MGAT4C: variants seen among roughly 807,000 people sequenced by gnomAD.
MGAT4C encodes the protein MGAT4 family member C, also known as alpha-1,3-mannosyl-glycoprotein 4-beta-N-acetylglucosaminyltransferase C.
Under a neutral mutation model 40.1 loss-of-function variants are expected in MGAT4C, and 19 were observed. The ratio of observed to expected loss-of-function variants is 0.47; its 90% CI spans 0.33 to 0.70. The LOEUF (loss-of-function observed/expected upper bound fraction) is 0.70, where lower values mean the gene tolerates loss of function less well. Ranked by LOEUF, MGAT4C falls within the 30% of genes least tolerant of loss-of-function variation. MGAT4C has a pLI of 0.02. For missense variants in MGAT4C, 491 were observed against 563.2 expected (o/e 0.87, Z 1.30); for synonymous variants, 181 against 187.1 (o/e 0.97, Z 0.27).
intron 2 of MGAT4C, among the ~76,000 whole-genome samples, chr12:86,451,772 A>C (rs1166730296): frequency 6.6e-6 from 1 of 152,050 alleles, no homozygotes; most frequent in African/African-American, 2.4e-5. Context: ...TCTTTTTCAA[A>C]GCCAGTCTTC....
chr12:86,510,498 C>T (rs960971043), intron 2 of MGAT4C, among the ~76,000 whole-genome samples: 3 of 152,010 alleles, frequency 2.0e-5, no homozygotes, highest in Non-Finnish European at 4.4e-5. Flanking sequence ...CAATATTAAC[C>T]TTAAATGTAA....
At chr12:86,592,446 T>C (rs1961366920) in intron 2 of MGAT4C, among the ~76,000 whole-genome samples, 2 of 152,168 alleles carry the variant, frequency 1.3e-5, no homozygotes, top group African/African-American at 4.8e-5. Context: ...TCAAACTGTA[T>C]AATTGGTAAA....
chr12:86,190,695 C>T (rs1274039185), intron 1 of MGAT4C, among the ~76,000 whole-genome samples: 2 of 152,000 alleles, frequency 1.3e-5, no homozygotes, highest in Admixed American at 6.6e-5. Context: ...GAATATTACA[C>T]ATCAATTTGG....
chr12:86,104,598 CT>C (rs1312327958), intron 1 of MGAT4C, among the ~76,000 whole-genome samples: 3 of 152,108 alleles, frequency 2.0e-5, no homozygotes, highest in Admixed American at 2.0e-4. Context: ...TGTTTTCAGT[CT>C]TAATATCTTC....
intron 3 of MGAT4C, among the ~76,000 whole-genome samples, chr12:86,377,830 CT>C (rs1955859185): frequency 2.0e-5 from 3 of 152,090 alleles, no homozygotes; most frequent in Admixed American, 2.0e-4. Context: ...AACTGAAATC[CT>C]ATACTCATGG....
At chr12:86,610,809 G>T in intron 2 of MGAT4C, among the ~76,000 whole-genome samples, 1 of 132,304 alleles carries the variant, frequency 7.6e-6, no homozygotes, top group South Asian at 2.3e-4. Context: ...ACCTGTAAAA[G>T]TAAATGAGAG....
At chr12:86,366,463 T>G (rs1238932241) in intron 3 of MGAT4C, among the ~76,000 whole-genome samples, 1 of 152,152 alleles carries the variant, frequency 6.6e-6, no homozygotes, top group Non-Finnish European at 1.5e-5. Flanking sequence ...AGCAAATAAA[T>G]GCAAGAACAG....
intron 2 of MGAT4C, among the ~76,000 whole-genome samples, chr12:86,624,586 G>C (rs1266283209): frequency 6.6e-6 from 1 of 151,890 alleles, no homozygotes; most frequent in African/African-American, 2.4e-5. Flanking sequence ...GGCCATGAAA[G>C]TCCCTACACA....
At chr12:86,530,110 C>G (rs1464050857) in intron 2 of MGAT4C, among the ~76,000 whole-genome samples, 1 of 151,820 alleles carries the variant, frequency 6.6e-6, no homozygotes, top group Non-Finnish European at 1.5e-5. Flanking sequence ...ATATGGACGA[C>G]TGAATGTATT....
chr12:86,209,637 A>T (rs1428306149), intron 1 of MGAT4C, among the ~76,000 whole-genome samples: 1 of 152,172 alleles, frequency 6.6e-6, no homozygotes, highest in Admixed American at 6.5e-5. Flanking sequence ...TCTCAACATG[A>T]TTTTAATAAA....
intron 2 of MGAT4C, among the ~76,000 whole-genome samples, chr12:86,450,428 T>G (rs1037046172): frequency 6.6e-6 from 1 of 152,180 alleles, no homozygotes; most frequent in Non-Finnish European, 1.5e-5. Context: ...ATTATTCAAA[T>G]TGTCAAAATA....
chr12:86,698,340 A>C (rs1299579147), intron 2 of MGAT4C, among the ~76,000 whole-genome samples: 1 of 151,918 alleles, frequency 6.6e-6, no homozygotes, highest in Non-Finnish European at 1.5e-5. Flanking sequence ...TTTTTAAAAA[A>C]TTGTGTTTGT....
chr12:86,668,869 T>C (rs1449087903), intron 2 of MGAT4C, among the ~76,000 whole-genome samples: 2 of 152,134 alleles, frequency 1.3e-5, no homozygotes, highest in Non-Finnish European at 2.9e-5. Context: ...CTGCTCCCCT[T>C]AGACTGTGTT....
chr12:86,718,401 G>C (rs756470281), intron 2 of MGAT4C, among the ~76,000 whole-genome samples: 19 of 152,176 alleles, frequency 1.2e-4, no homozygotes, highest in Non-Finnish European at 2.5e-4. Context: ...TGTCTCACCT[G>C]TGTCTTTCAT....
At chr12:86,420,759 A>G (rs1347810125) in intron 3 of MGAT4C, among the ~76,000 whole-genome samples, 1 of 149,814 alleles carries the variant, frequency 6.7e-6, no homozygotes, top group African/African-American at 2.5e-5. Flanking sequence ...AAAAATCAAG[A>G]ATAAATATTT....
chr12:86,799,633 T>A (rs1225328545), intron 1 of MGAT4C, among the ~76,000 whole-genome samples: 2 of 151,974 alleles, frequency 1.3e-5, no homozygotes, highest in East Asian at 3.9e-4. Context: ...TCTCATATTT[T>A]GTTCTATGTG....
At chr12:86,372,416 T>G (rs1955736025) in intron 3 of MGAT4C, among the ~76,000 whole-genome samples, 1 of 151,866 alleles carries the variant, frequency 6.6e-6, no homozygotes, top group Admixed American at 6.6e-5. Context: ...AGAACAAAAC[T>G]AATACTTTAA....
At chr12:86,669,438 G>A (rs989083811) in intron 2 of MGAT4C, among the ~76,000 whole-genome samples, 2 of 152,298 alleles carry the variant, frequency 1.3e-5, no homozygotes, top group South Asian at 2.1e-4. Flanking sequence ...GGTGCAGAGG[G>A]TCCCTCCCTG....
At chr12:86,259,207 T>C (rs572629259), upstream of MGAT4C, among the ~76,000 whole-genome samples, 1 of 152,140 alleles carries the variant, frequency 6.6e-6, no homozygotes, top group East Asian at 1.9e-4. Flanking sequence ...GTGGTGTTTC[T>C]TTTGGAAAAG....
Sources: allele counts gnomAD v4.1 joint callset (sites outside exome capture counted in the v4.1 genomes callset), GRCh38; gene constraint gnomAD v4.1.1; transcripts MANE v1.5; gene names NCBI Gene and HGNC (gene_info 2026-07-23, HGNC 2026-07-21).